Variants in KCND2 observed in about 807,000 individuals in gnomAD.
KCND2 encodes A-type voltage-gated potassium channel KCND2.
KCND2 carries 16 observed loss-of-function variants against 54.4 expected under a neutral mutation model. That is an observed-to-expected ratio of 0.29 (90% CI 0.20 to 0.45). The LOEUF (loss-of-function observed/expected upper bound fraction) is 0.45, where lower values mean the gene tolerates loss of function less well. Among genes scored for constraint, KCND2 ranks in the 20% least tolerant of loss-of-function variants. The probability of loss-of-function intolerance (pLI) is 1.00; values close to 1 mark genes in which losing one functional copy is unlikely to be tolerated. For missense variants in KCND2, 486 were observed against 824.2 expected (o/e 0.59, Z 5.02); for synonymous variants, 317 against 310.7 (o/e 1.02, Z -0.21).
chr7:120,570,218 T>G (rs1456365455), intron 1 of KCND2, among the ~76,000 whole-genome samples: 3 of 152,114 alleles, frequency 2.0e-5, no homozygotes, highest in Non-Finnish European at 4.4e-5. Flanking sequence ...AAAATATTTG[T>G]ATTTCACAGA....
intron 1 of KCND2, among the ~76,000 whole-genome samples, chr7:120,543,598 C>T (rs1029610748): frequency 6.6e-6 from 1 of 151,854 alleles, no homozygotes; most frequent in African/African-American, 2.4e-5. Flanking sequence ...TTGTTTTTTT[C>T]TAATATGTAA....
chr7:120,454,468 A>G (rs1349842334), intron 1 of KCND2, among the ~76,000 whole-genome samples: 1 of 152,172 alleles, frequency 6.6e-6, no homozygotes, highest in Non-Finnish European at 1.5e-5. Context: ...ACGGATAAAC[A>G]TCTAAAAATA....
At chr7:120,571,796 T>A (rs1792369562) in intron 1 of KCND2, among the ~76,000 whole-genome samples, 1 of 152,224 alleles carries the variant, frequency 6.6e-6, no homozygotes, top group South Asian at 2.1e-4. Context: ...TAGTGTAGTC[T>A]TCCTCAAAGT....
chr7:120,340,921 G>C (rs1800230717), intron 1 of KCND2, among the ~76,000 whole-genome samples: 1 of 152,158 alleles, frequency 6.6e-6, no homozygotes, highest in African/African-American at 2.4e-5. Flanking sequence ...TGTTTTGCTG[G>C]TGGTGATTAC....
intron 2 of KCND2, 55 bp from the exon 3 acceptor site, chr7:120,741,479 G>C (rs1185393494): frequency 8.1e-7 from 1 of 1,229,734 alleles, no homozygotes; most frequent in African/African-American, 1.5e-5. Context: ...TTCATTCACT[G>C]TTTTAAGGAA....
chr7:120,540,552 A>G (rs1439375199), intron 1 of KCND2, among the ~76,000 whole-genome samples: 1 of 152,172 alleles, frequency 6.6e-6, no homozygotes, highest in Non-Finnish European at 1.5e-5. Flanking sequence ...TTTCTTAATT[A>G]GAGCCTCAGA....
chr7:120,620,257 T>A (rs570944192), intron 1 of KCND2, among the ~76,000 whole-genome samples: 21 of 152,214 alleles, frequency 1.4e-4, no homozygotes, highest in African/African-American at 4.6e-4. Context: ...AAAAAACTCT[T>A]ACTTTTAAGA....
chr7:120,644,548 A>AT lies in KCND2; in HGVS notation c.1116-88353dup, dbSNP rs200978369. Among the ~76,000 whole-genome samples, 5 of 152,320 alleles carry AT rather than the reference A, an allele frequency of 3.3e-5. No individual in the cohort carries two copies. The East Asian group carries it at 9.6e-4, about 29-fold the overall frequency. On this transcript the variant is annotated intron_variant, in intron 1 of 5. Coordinates refer to ENST00000331113, the MANE Select transcript of KCND2 (RefSeq NM_012281.3). ...CATTATGAAATATAGCAAAGAAATT[A>AT]TTAGCAAAGATTTTGTTTCTCATCA...
chr7:120,720,135 C>T (rs1342666288), intron 1 of KCND2, among the ~76,000 whole-genome samples: 6 of 152,052 alleles, frequency 3.9e-5, no homozygotes, highest in Admixed American at 2.6e-4. Flanking sequence ...TAAAAAGCTT[C>T]GAGTGTACCC....
At chr7:120,428,449 G>A (rs1489631276) in intron 1 of KCND2, among the ~76,000 whole-genome samples, 1 of 152,308 alleles carries the variant, frequency 6.6e-6, no homozygotes, top group East Asian at 1.9e-4. Context: ...AGAAACAAGT[G>A]AAGAATGTTT....
chr7:120,361,284 T>G (rs2116400604), intron 1 of KCND2, among the ~76,000 whole-genome samples: 1 of 152,096 alleles, frequency 6.6e-6, no homozygotes, highest in East Asian at 1.9e-4. Flanking sequence ...TTTCTAGTTC[T>G]GAAGCAAAAA....
At chr7:120,670,812 A>C (rs1388919773) in intron 1 of KCND2, among the ~76,000 whole-genome samples, 1 of 151,410 alleles carries the variant, frequency 6.6e-6, no homozygotes, top group Non-Finnish European at 1.5e-5. Context: ...GCTACTCGAG[A>C]GGCTGAGCCA....
At chr7:120,506,173 A>G (rs1381008301) in intron 1 of KCND2, among the ~76,000 whole-genome samples, 2 of 151,700 alleles carry the variant, frequency 1.3e-5, no homozygotes, top group Non-Finnish European at 3.0e-5. Context: ...GAGAGTAGGT[A>G]TATTAAAAAG....
intron 1 of KCND2, among the ~76,000 whole-genome samples, chr7:120,581,644 T>A (rs1428441736): frequency 6.6e-6 from 1 of 152,196 alleles, no homozygotes; most frequent in East Asian, 1.9e-4. Flanking sequence ...TTTAGTGTTA[T>A]GTTCAAATAA....
chr7:120,473,384 C>T (rs911278628), intron 1 of KCND2, among the ~76,000 whole-genome samples: 13 of 152,110 alleles, frequency 8.5e-5, no homozygotes, highest in East Asian at 5.8e-4. Flanking sequence ...GATTTCGGTC[C>T]GGTTTTGTGT....
At chr7:120,538,158 T>C (rs1791934704) in intron 1 of KCND2, among the ~76,000 whole-genome samples, 1 of 152,116 alleles carries the variant, frequency 6.6e-6, no homozygotes. Context: ...AATTTCAATA[T>C]CATTGTGTCT....
intron 1 of KCND2, among the ~76,000 whole-genome samples, chr7:120,511,029 C>T (rs1311771059): frequency 1.3e-5 from 2 of 148,778 alleles, no homozygotes; most frequent in Non-Finnish European, 3.0e-5. Flanking sequence ...CTCTCTCACA[C>T]ACACACACAC....
At chr7:120,306,180 A>G (rs867961500) in intron 1 of KCND2, among the ~76,000 whole-genome samples, 2 of 152,038 alleles carry the variant, frequency 1.3e-5, no homozygotes, top group African/African-American at 2.4e-5. Flanking sequence ...TTGCCTTGAC[A>G]TTGTGGTATA....
At chr7:120,569,556 C>A (rs1792337822) in intron 1 of KCND2, among the ~76,000 whole-genome samples, 1 of 152,024 alleles carries the variant, frequency 6.6e-6, no homozygotes, top group African/African-American at 2.4e-5. Context: ...GCAAAATGTT[C>A]CTGAATCACC....
Sources: gnomAD v4.1 joint callset for allele counts (sites outside exome capture counted in the v4.1 genomes callset) on GRCh38, gnomAD v4.1.1 for gene constraint, MANE v1.5 for transcripts, NCBI Gene and HGNC (gene_info 2026-07-23, HGNC 2026-07-21) for gene names.